The following KCNT2 variants were observed in gnomAD, a reference collection of about 807,000 sequenced individuals.
The protein encoded by KCNT2 is potassium channel subfamily T member 2.
In KCNT2, 67 loss-of-function variants were observed where a neutral mutation model predicts 153.8. The observed-to-expected ratio is 0.44, with a 90% CI of 0.36 to 0.53. The LOEUF (loss-of-function observed/expected upper bound fraction) is 0.53. Ranked by LOEUF, KCNT2 falls within the 20% of genes least tolerant of loss-of-function variation. The pLI is 0.00. For missense variants in KCNT2, 975 were observed against 1,354.8 expected (o/e 0.72, Z 4.40); for synonymous variants, 500 against 458.8 (o/e 1.09, Z -1.15).
At chr1:196,567,787 T>C (rs1376147563) in intron 1 of KCNT2, among the ~76,000 whole-genome samples, 6 of 152,170 alleles carry the variant, frequency 3.9e-5, no homozygotes, top group African/African-American at 1.4e-4. Context: ...AAATAGGATA[T>C]GGAAAACAGC....
chr1:196,352,255 G>A (rs575529664), intron 14 of KCNT2, among the ~76,000 whole-genome samples: 1 of 152,032 alleles, frequency 6.6e-6, no homozygotes, highest in Non-Finnish European at 1.5e-5. Context: ...TTTTTCTATT[G>A]ATTGGAATAG....
At chr1:196,453,157 G>GGT (rs1338833180) in intron 8 of KCNT2, among the ~76,000 whole-genome samples, 1 of 151,816 alleles carries the variant, frequency 6.6e-6, no homozygotes, top group Non-Finnish European at 1.5e-5. Flanking sequence ...ACCAATAGCT[G>GGT]GTGTGTGTGG....
chr1:196,340,587 A>AG lies in KCNT2; in HGVS notation c.1554-18dup, dbSNP rs1572097616. The AG allele has an allele frequency of 7.6e-6, 11 of 1,444,398 alleles. No homozygotes were observed. Among genetic ancestry groups the AG allele is most frequent in the Non-Finnish European group, 1.0e-5 (11 of 1,063,158 alleles). 89.5% of individuals were successfully genotyped at this position (1,444,398 alleles called of 1,614,324 possible). ...ACGCCAAACCTTAATTTAAAAAAAA[A>AG]GAGAGTTTGTAAGAAAATTAGTAAA... On this transcript the variant is annotated splice_polypyrimidine_tract_variant and intron_variant, in intron 15 of 27. Transcript: ENST00000294725.
intron 20 of KCNT2, among the ~76,000 whole-genome samples, chr1:196,319,278 A>G (rs1054963389): frequency 6.6e-6 from 1 of 151,868 alleles, no homozygotes; most frequent in African/African-American, 2.4e-5. Flanking sequence ...ACATGCAGCA[A>G]GATTTGTTTT....
chr1:196,258,603 G>T, intron 25 of KCNT2, 109 bp from the exon 26 acceptor site: 1 of 909,936 alleles, frequency 1.1e-6, no homozygotes, highest in South Asian at 1.6e-5. Context: ...ACTCAGGAGA[G>T]TTTTCACAGA....
intron 13 of KCNT2, among the ~76,000 whole-genome samples, chr1:196,380,757 G>A (rs974356774): frequency 6.6e-6 from 1 of 152,098 alleles, no homozygotes; most frequent in Non-Finnish European, 1.5e-5. Flanking sequence ...TTGCTTATTA[G>A]ATTCTATTTG....
chr1:196,282,199 A>G, intron 24 of KCNT2, 74 bp downstream of exon 24: 1 of 692,390 alleles, frequency 1.4e-6, no homozygotes. Flanking sequence ...TAGAAGAATT[A>G]GCAAAGTACA....
chr1:196,449,185 A>G (rs558658998), intron 8 of KCNT2, among the ~76,000 whole-genome samples: 2 of 151,876 alleles, frequency 1.3e-5, no homozygotes, highest in African/African-American at 4.8e-5. Flanking sequence ...AAAGATAATT[A>G]TAAAGCAGAG....
rs201314964 is a variant in KCNT2, at chr1:196,258,177, G to A, written c.3211+17C>T. ...AAATCACGAGTCCATATATACAGTA[G>A]TTTTTAAAGAGCATACCATATCCCA... On this transcript the variant is annotated intron_variant, in intron 26 of 27. Coordinates refer to ENST00000294725, the MANE Select transcript of KCNT2 (RefSeq NM_198503.5). The A allele has an allele frequency of 9.9e-6, 16 of 1,611,298 alleles. No homozygotes were observed. In the East Asian group the frequency reaches 3.3e-4, roughly 34 times the overall value.
At chr1:196,374,347 T>C (rs963319066) in intron 13 of KCNT2, among the ~76,000 whole-genome samples, 5 of 151,858 alleles carry the variant, frequency 3.3e-5, no homozygotes, top group African/African-American at 1.2e-4. Flanking sequence ...TGGACAAACA[T>C]TGACTTTCGT....
intron 22 of KCNT2, among the ~76,000 whole-genome samples, chr1:196,286,368 T>C (rs1050043457): frequency 6.6e-6 from 1 of 152,024 alleles, no homozygotes; most frequent in Non-Finnish European, 1.5e-5. Flanking sequence ...AACTAGGAAA[T>C]GGGCCCTCAC....
At chr1:196,241,017 T>C (rs1558057482) in intron 26 of KCNT2, among the ~76,000 whole-genome samples, 3 of 150,720 alleles carry the variant, frequency 2.0e-5, no homozygotes, top group African/African-American at 4.9e-5. Context: ...GGAAGAGAGA[T>C]AGAAATGATG....
chr1:196,435,133 GTGTATGTA>G lies in KCNT2; in HGVS notation c.639-5384_639-5377del, dbSNP rs1248809574. ...TAGCAATAGATACTTATGTGTGTGT[GTGTATGTA>G]TATATATATATATATATATATATAT... On this transcript the variant is annotated intron_variant, in intron 8 of 27. Transcript: ENST00000294725. Among the ~76,000 whole-genome samples the G allele has an allele frequency of 8.6e-4, 76 of 87,880 alleles. 1 individual carries two copies. Among genetic ancestry groups the G allele is most frequent in the African/African-American group, 3.1e-3 (76 of 24,374 alleles). The allele number at this position is 87,880 out of a possible 152,430, so 57.7% of individuals were successfully genotyped here. A position where few individuals can be genotyped will look rare whatever the true frequency, so the allele number is the denominator to read the frequency against.
rs139957303 is a variant in KCNT2 at position 196,340,570 on chromosome 1, C to T, written c.1554G>A (p.Lys518=). The part of the protein sequence containing the change: ...FTYASFHAHK[K]FGVCLIGVRR... Reference sequence around the variant, plus strand: ...TAACACCAATCAAGCAGACGCCAAACCTTAATTTAAAAAAAAAGAGAGTTT... The same window carrying T: ...TAACACCAATCAAGCAGACGCCAAATCTTAATTTAAAAAAAAAGAGAGTTT... The change falls in exon 16 of 28, where the codon AAG becomes AAA. Residue 518 remains lysine, a splice_region_variant and synonymous_variant. Transcript: ENST00000294725. 1,397 of 1,508,120 alleles carry T rather than the reference C, an allele frequency of 9.3e-4. 29 individuals carry two copies. In the East Asian group the frequency reaches 0.025, roughly 27 times the overall value. The allele number at this position is 1,508,120 out of a possible 1,614,324, so 93.4% of individuals were successfully genotyped here.
At chr1:196,322,495 G>T (rs1331889105) in intron 19 of KCNT2, among the ~76,000 whole-genome samples, 2 of 151,694 alleles carry the variant, frequency 1.3e-5, no homozygotes, top group Non-Finnish European at 2.9e-5. Flanking sequence ...GTAAACAGAA[G>T]GAAAATGAGC....
At chr1:196,539,364 T>C (rs1025051587) in intron 1 of KCNT2, among the ~76,000 whole-genome samples, 4 of 152,200 alleles carry the variant, frequency 2.6e-5, no homozygotes, top group African/African-American at 9.6e-5. Context: ...TTATTATGTA[T>C]ACATTAAGTG....
chr1:196,457,402 G>C (rs1389538606), intron 8 of KCNT2, among the ~76,000 whole-genome samples: 1 of 151,192 alleles, frequency 6.6e-6, no homozygotes, highest in African/African-American at 2.4e-5. Flanking sequence ...TAAATGACAT[G>C]AAGTTATACT....
At chr1:196,456,330 C>T (rs928923843) in intron 8 of KCNT2, among the ~76,000 whole-genome samples, 13 of 151,706 alleles carry the variant, frequency 8.6e-5, no homozygotes, top group Admixed American at 8.6e-4. Context: ...TGACAAAATC[C>T]TTTTGTTTTA....
At chr1:196,378,328 A>G (rs1669147090) in intron 13 of KCNT2, among the ~76,000 whole-genome samples, 1 of 152,138 alleles carries the variant, frequency 6.6e-6, no homozygotes, top group Non-Finnish European at 1.5e-5. Flanking sequence ...GGGACCACTT[A>G]GCAAATTTAT....
Sources: allele counts gnomAD v4.1 joint callset (sites outside exome capture counted in the v4.1 genomes callset), GRCh38; gene constraint gnomAD v4.1.1; transcripts MANE v1.5; gene names NCBI Gene and HGNC (gene_info 2026-07-23, HGNC 2026-07-21).